SHISA9: variants seen among roughly 807,000 people sequenced by gnomAD.
SHISA9 encodes the protein shisa family member 9.
Under a neutral mutation model 38.0 loss-of-function variants are expected in SHISA9, and 13 were observed. The observed-to-expected ratio is 0.34, with a 90% CI of 0.22 to 0.54. The LOEUF is 0.54. Among genes scored for constraint, SHISA9 ranks in the 20% least tolerant of loss-of-function variants. The pLI is 0.91. For synonymous variants in SHISA9, 275 were observed against 242.0 expected (o/e 1.14, Z -1.27); for missense variants, 538 against 575.8 (o/e 0.93, Z 0.67).
chr16:13,106,399 G>T (rs1007549985), intron 2 of SHISA9, among the ~76,000 whole-genome samples: 4 of 152,120 alleles, frequency 2.6e-5, no homozygotes, highest in African/African-American at 9.7e-5. Flanking sequence ...GGCTTTGGGT[G>T]ACTCAGTTAA....
At chr16:13,322,270 A>C in the SHISA9 span, among the ~76,000 whole-genome samples, 515 of 152,334 alleles carry the variant, frequency 3.4e-3, 3 homozygotes, top group African/African-American at 0.012. Flanking sequence ...AAATAATTGG[A>C]AATGAGCACA....
intron 2 of SHISA9, among the ~76,000 whole-genome samples, chr16:13,071,188 T>A (rs903383172): frequency 2.0e-5 from 3 of 152,210 alleles, no homozygotes; most frequent in South Asian, 2.1e-4. Flanking sequence ...TTTTATGTTA[T>A]GTTTATTTTA....
chr16:13,097,792 G>C (rs1385375636), intron 2 of SHISA9, among the ~76,000 whole-genome samples: 1 of 152,100 alleles, frequency 6.6e-6, no homozygotes, highest in Non-Finnish European at 1.5e-5. Flanking sequence ...GATGGGGAGT[G>C]GACAGGAATG....
intron 2 of SHISA9, among the ~76,000 whole-genome samples, chr16:13,064,718 AT>A (rs2073413812): frequency 6.6e-6 from 1 of 150,676 alleles, no homozygotes; most frequent in Non-Finnish European, 1.5e-5. Flanking sequence ...CTGTTTTCAG[AT>A]TTTTTTCTAC....
chr16:13,347,839 A>ACCC, the SHISA9 span, among the ~76,000 whole-genome samples: 819 of 67,970 alleles, frequency 0.012, 12 homozygotes, highest in African/African-American at 0.028. Context: ...AGAATAACGT[A>ACCC]CCCCCCCACA....
the SHISA9 span, among the ~76,000 whole-genome samples, chr16:13,327,380 C>A: frequency 6.6e-6 from 1 of 152,080 alleles, no homozygotes; most frequent in Non-Finnish European, 1.5e-5. Flanking sequence ...CTTTGGGAGG[C>A]CGAGGCAGGT....
At chr16:12,936,648 T>A (rs1027835547) in intron 2 of SHISA9, among the ~76,000 whole-genome samples, 2 of 152,220 alleles carry the variant, frequency 1.3e-5, no homozygotes, top group African/African-American at 4.8e-5. Context: ...AAGATATGCA[T>A]TTTTCATATA....
chr16:13,027,104 G>A (rs1333503089), intron 2 of SHISA9, among the ~76,000 whole-genome samples: 1 of 152,136 alleles, frequency 6.6e-6, no homozygotes, highest in Non-Finnish European at 1.5e-5. Flanking sequence ...CGAAAACTTT[G>A]GGGATCCCCA....
At chr16:13,403,736 T>C in the SHISA9 span, among the ~76,000 whole-genome samples, 10 of 152,322 alleles carry the variant, frequency 6.6e-5, no homozygotes, top group Admixed American at 2.0e-4. Context: ...GAGTGACGCC[T>C]TTCTAATTCA....
the SHISA9 span, among the ~76,000 whole-genome samples, chr16:13,337,971 C>T: frequency 2.6e-5 from 4 of 152,204 alleles, no homozygotes; most frequent in Non-Finnish European, 4.4e-5. Context: ...TCAATTAAAC[C>T]TCTTTTCTTC....
chr16:12,957,297 G>C (rs2141786053), intron 2 of SHISA9, among the ~76,000 whole-genome samples: 1 of 152,248 alleles, frequency 6.6e-6, no homozygotes, highest in African/African-American at 2.4e-5. Flanking sequence ...AGTCTGCTTG[G>C]GCTGTGTCTT....
At chr16:12,983,099 T>G (rs1427196922) in intron 2 of SHISA9, among the ~76,000 whole-genome samples, 1 of 152,236 alleles carries the variant, frequency 6.6e-6, no homozygotes, top group Non-Finnish European at 1.5e-5. Context: ...GGGTGCCATT[T>G]AGAATCAGGT....
At chr16:13,050,090 A>G (rs1375727496) in intron 2 of SHISA9, among the ~76,000 whole-genome samples, 1 of 152,122 alleles carries the variant, frequency 6.6e-6, no homozygotes, top group Non-Finnish European at 1.5e-5. Context: ...ATATAGAATA[A>G]CTATTGACAT....
the SHISA9 span, among the ~76,000 whole-genome samples, chr16:13,430,483 A>C: frequency 2.6e-5 from 4 of 152,196 alleles, no homozygotes; most frequent in South Asian, 2.1e-4. Flanking sequence ...AGTATCCTAA[A>C]CACCACCAAG....
chr16:13,511,983 A>T, the SHISA9 span, among the ~76,000 whole-genome samples: 1 of 152,080 alleles, frequency 6.6e-6, no homozygotes, highest in Non-Finnish European at 1.5e-5. Flanking sequence ...AGAGCAAAAA[A>T]CTTCATAAAA....
the SHISA9 span, among the ~76,000 whole-genome samples, chr16:13,473,573 A>C: frequency 6.6e-6 from 1 of 151,188 alleles, no homozygotes; most frequent in Non-Finnish European, 1.5e-5. Context: ...TGAAATACCC[A>C]CCCTTCCTCA....
the SHISA9 span, among the ~76,000 whole-genome samples, chr16:13,475,346 T>A: frequency 1.0e-5 from 1 of 96,604 alleles, no homozygotes; most frequent in South Asian, 3.3e-4. Context: ...ATATATATGT[T>A]TCACATATAT....
chr16:13,117,542 A>G (rs1393775473), intron 2 of SHISA9, among the ~76,000 whole-genome samples: 1 of 152,166 alleles, frequency 6.6e-6, no homozygotes, highest in Admixed American at 6.5e-5. Flanking sequence ...CCTAGGCCCT[A>G]AATCTGCTAG....
At chr16:13,004,308 G>T (rs984778304) in intron 2 of SHISA9, among the ~76,000 whole-genome samples, 1 of 152,220 alleles carries the variant, frequency 6.6e-6, no homozygotes, top group African/African-American at 2.4e-5. Context: ...GGCAGTGGAG[G>T]AAATAGAATT....
Sources: gnomAD v4.1 joint callset for allele counts (sites outside exome capture counted in the v4.1 genomes callset) on GRCh38, gnomAD v4.1.1 for gene constraint, MANE v1.5 for transcripts, NCBI Gene and HGNC (gene_info 2026-07-23, HGNC 2026-07-21) for gene names.